The following LPCAT1 variants were observed in gnomAD, a reference collection of about 807,000 sequenced individuals.
The protein encoded by LPCAT1 is 1-acylglycerol-3-phosphate O-acyltransferase.
A neutral mutation model predicts 60.9 loss-of-function variants in LPCAT1; 23 were observed. The observed-to-expected ratio is 0.38, with a 90% CI of 0.27 to 0.53. The LOEUF (loss-of-function observed/expected upper bound fraction) is 0.53. Among genes scored for constraint, LPCAT1 ranks in the 20% least tolerant of loss-of-function variants. LPCAT1 has a pLI of 0.82. For synonymous variants in LPCAT1, 340 were observed against 301.1 expected (o/e 1.13, Z -1.34); for missense variants, 622 against 723.6 (o/e 0.86, Z 1.61).
In LPCAT1 at chr5:1,461,939, C is replaced by T. The variant is rs1430906401; in HGVS notation, c.*1712G>A. The T allele has an allele frequency of 6.6e-6, 1 of 152,574 alleles. No homozygotes were observed. Among genetic ancestry groups the T allele is most frequent in the Non-Finnish European group, 1.5e-5 (1 of 68,038 alleles). 9.5% of individuals were successfully genotyped at this position (152,574 alleles called of 1,614,324 possible). A position where few individuals can be genotyped will look rare whatever the true frequency, so the allele number is the denominator to read the frequency against. Reference sequence around the variant, plus strand: ...TGACTGTTAGCTACCAAAGGCTGCACTAGGATTTCTTCTGTGTCCAACACG... The same window carrying T: ...TGACTGTTAGCTACCAAAGGCTGCATTAGGATTTCTTCTGTGTCCAACACG... On this transcript the variant is annotated 3_prime_UTR_variant, in exon 14 of 14. Coordinates refer to ENST00000283415, the MANE Select transcript of LPCAT1 (RefSeq NM_024830.5).
At chr5:1,520,564 G>A (rs1189297891) in intron 1 of LPCAT1, among the ~76,000 whole-genome samples, 1 of 152,134 alleles carries the variant, frequency 6.6e-6, no homozygotes. Flanking sequence ...AGAGACTTTA[G>A]AAATGGGGAA....
chr5:1,506,152 T>C (rs932778773), intron 1 of LPCAT1, among the ~76,000 whole-genome samples: 12 of 152,106 alleles, frequency 7.9e-5, no homozygotes, highest in African/African-American at 2.9e-4. Context: ...CTCCAGCAGA[T>C]GGGGAGGGTG....
chr5:1,501,556 G>A lies in LPCAT1; in HGVS notation c.183C>T (p.Ala61=), dbSNP rs113281193. 34 of 1,614,030 alleles carry A rather than the reference G, an allele frequency of 2.1e-5. No homozygotes were observed. The highest frequency in any genetic ancestry group is 2.0e-4 in the African/African-American group (15 of 75,052). ...GCCAGGCCAGCAGCATCATGGCAGCGGCAACCAGGAGCCGGACCGGGAAGA... is the reference window on the plus strand; with the variant it reads ...GCCAGGCCAGCAGCATCATGGCAGCAGCAACCAGGAGCCGGACCGGGAAGA... ...LTLFPVRLLV[A]AAMMLLAWPL... The change falls in exon 2 of 14, where the codon GCC becomes GCT. Residue 61 remains alanine, a synonymous_variant. Transcript: ENST00000283415.
chr5:1,465,885 G>C (rs1290714271), intron 13 of LPCAT1, among the ~76,000 whole-genome samples: 1 of 143,480 alleles, frequency 7.0e-6, no homozygotes, highest in Non-Finnish European at 1.6e-5. Context: ...ACGCACACAG[G>C]CGCACACGCA....
At position 1,522,122 on chromosome 5, in the gene LPCAT1, G is replaced by C. The variant is rs1736695290; in HGVS notation, c.135+1588C>G. 6.6e-6 allele frequency among the ~76,000 whole-genome samples: 1 copy of C among 152,172 alleles called. No individual in the cohort carries two copies. Among genetic ancestry groups the C allele is most frequent in the African/African-American group, 2.4e-5 (1 of 41,428 alleles). ...ATAGCTGGGGCAGGAGCAGGGCTGG[G>C]GAAGCCCTGGAAACCACAGCAGGGG... On this transcript the variant is annotated intron_variant, in intron 1 of 13. Transcript: ENST00000283415. This position sits in a 1 kb window ranked among gnomAD's most constrained non-coding sequence, Gnocchi z 6.8.
chr5:1,501,422 C>CG, intron 2 of LPCAT1, 39 bp downstream of exon 2: 1 of 1,573,710 alleles, frequency 6.4e-7, no homozygotes, highest in South Asian at 1.1e-5. Flanking sequence ...GCCGCGTGAC[C>CG]CCCCCCCAGG....
chr5:1,473,927 A>G, intron 11 of LPCAT1, 30 bp downstream of exon 11: 1 of 1,594,986 alleles, frequency 6.3e-7, no homozygotes, highest in Non-Finnish European at 8.6e-7. Context: ...GGTTTTGCCG[A>G]CACCCCGCTC....
In LPCAT1 at chr5:1,498,234, C is replaced by T. The variant is rs115181435; in HGVS notation, c.278+3227G>A. Reference sequence around the variant, plus strand: ...AATCTGCTACTTCAAATTCAGTTTCCTCCTGATCCCTTACGTCCCTAACTA... The same window carrying T: ...AATCTGCTACTTCAAATTCAGTTTCTTCCTGATCCCTTACGTCCCTAACTA... On this transcript the variant is annotated intron_variant, in intron 2 of 13. Transcript: ENST00000283415. Among the ~76,000 whole-genome samples, 535 of 152,308 alleles carry T rather than the reference C, an allele frequency of 3.5e-3. 7 individuals are homozygous for T. Among genetic ancestry groups the T allele is most frequent in the African/African-American group, 0.012 (504 of 41,558 alleles).
In LPCAT1 at chr5:1,462,263, AC is replaced by A. The variant is rs1734129796; in HGVS notation, c.*1387del. The A allele has an allele frequency of 6.6e-6, 1 of 152,384 alleles. No homozygotes were observed. The highest frequency in any genetic ancestry group is 1.5e-5 in the Non-Finnish European group (1 of 68,010). The allele number at this position is 152,384 out of a possible 1,614,324, so 9.4% of individuals were successfully genotyped here. A position where few individuals can be genotyped will look rare whatever the true frequency, so the allele number is the denominator to read the frequency against. ...CCGGAGCCTTTGCTTTAGGAAGCAA[AC>A]TCAAGTCTGTGATGATTATTGTGCT... On this transcript the variant is annotated 3_prime_UTR_variant, in exon 14 of 14. Transcript: ENST00000283415.
In LPCAT1 at chr5:1,481,093, G is replaced by T; in HGVS notation, c.727-117C>A. 7.9e-7 allele frequency: 1 copy of T among 1,265,466 alleles called. No individual in the cohort carries two copies. Among genetic ancestry groups the T allele is most frequent in the Non-Finnish European group, 1.1e-6 (1 of 876,476 alleles). 78.4% of individuals were successfully genotyped at this position (1,265,466 alleles called of 1,614,324 possible). On this transcript the variant is annotated intron_variant, in intron 6 of 13. Transcript: ENST00000283415. This position sits in a 1 kb window ranked among gnomAD's most constrained non-coding sequence, Gnocchi z 7.8. The stretch of plus-strand genomic sequence containing the variant: ...CCACCCCACAGAGGCGCTGCAGCCA[G>T]GGGGAAGGGAGGAGGGTGCTAGAGC...
Position 1,523,786 on chromosome 5 carries a change from T to C in LPCAT1, c.59A>G (p.Asp20Gly). The C allele has an allele frequency of 8.8e-7, 1 of 1,131,716 alleles. No individual in the cohort carries two copies. Among genetic ancestry groups the C allele is most frequent in the Non-Finnish European group, 1.1e-6 (1 of 923,740 alleles). 70.1% of individuals were successfully genotyped at this position (1,131,716 alleles called of 1,614,324 possible). A position where few individuals can be genotyped will look rare whatever the true frequency, so the allele number is the denominator to read the frequency against. Residue 20 changes from aspartate to glycine, a missense_variant, in exon 1 of 14, where the codon GAC becomes GGC. Asp to Gly is a moderately conservative substitution (Grantham distance 94). Transcript: ENST00000283415. This position sits in a 1 kb window ranked among gnomAD's most constrained non-coding sequence, Gnocchi z 7.1. ...AAPASSAGAS[D>G]ARLLAPPGRN... The stretch of plus-strand genomic sequence containing the variant: ...CCCCGGGGGCGCCAGCAGCCGAGCG[T>C]CGCTGGCCCCTGCGCTGGAGGCAGG...
intron 9 of LPCAT1, among the ~76,000 whole-genome samples, chr5:1,475,965 G>C (rs1734898296): frequency 6.6e-6 from 1 of 152,224 alleles, no homozygotes. Flanking sequence ...GACGGTGGCA[G>C]ACCCTCCAAC....
At position 1,487,612 on chromosome 5, in the gene LPCAT1, C is replaced by T. The variant is rs1354423408; in HGVS notation, c.667+779G>A. 1.3e-5 allele frequency among the ~76,000 whole-genome samples: 2 copies of T among 152,144 alleles called. No homozygotes were observed. The highest frequency in any genetic ancestry group is 2.9e-5 in the Non-Finnish European group (2 of 68,026). ...CTCAGGTTGTGCGGCCCCAGAGGCA[C>T]GGCAGCCGGTGCCAGTGTGAGCGAG... On this transcript the variant is annotated intron_variant, in intron 5 of 13. Coordinates refer to ENST00000283415, the MANE Select transcript of LPCAT1 (RefSeq NM_024830.5). This position sits in a 1 kb window ranked among gnomAD's most constrained non-coding sequence, Gnocchi z 6.1.
chr5:1,482,869 G>A (rs1232381605), intron 6 of LPCAT1, among the ~76,000 whole-genome samples: 1 of 152,156 alleles, frequency 6.6e-6, no homozygotes, highest in Non-Finnish European at 1.5e-5. Flanking sequence ...CTTCGCCCCA[G>A]GAGCTCTGGA....
chr5:1,513,818 C>T (rs1371909950), intron 1 of LPCAT1, among the ~76,000 whole-genome samples: 3 of 146,118 alleles, frequency 2.1e-5, no homozygotes, highest in South Asian at 2.2e-4. Context: ...AGGCTCTCAC[C>T]GGTGAGGCGG....
At chr5:1,505,851 T>C (rs1736170624) in intron 1 of LPCAT1, among the ~76,000 whole-genome samples, 2 of 152,242 alleles carry the variant, frequency 1.3e-5, no homozygotes, top group South Asian at 4.1e-4. Context: ...AGCGACCCTC[T>C]GCACCAGCTC....
intron 1 of LPCAT1, among the ~76,000 whole-genome samples, chr5:1,505,453 A>G (rs1042188298): frequency 4.6e-5 from 7 of 152,288 alleles, no homozygotes; most frequent in African/African-American, 7.2e-5. Flanking sequence ...GCCATTCCAT[A>G]TGGGACCACC....
chr5:1,465,280 ACACG>A (rs915803464), intron 13 of LPCAT1, among the ~76,000 whole-genome samples: 13 of 142,266 alleles, frequency 9.1e-5, no homozygotes, highest in African/African-American at 3.0e-4. Flanking sequence ...GCACACACAC[ACACG>A]CACGGTACTA....
intron 2 of LPCAT1, 150 bp downstream of exon 2, chr5:1,501,311 G>C: frequency 1.8e-6 from 2 of 1,089,896 alleles, no homozygotes; most frequent in South Asian, 3.1e-5. Flanking sequence ...GTCCCCACTG[G>C]CAGGGGGCAG....
Sources: gnomAD v4.1 joint callset for allele counts (sites outside exome capture counted in the v4.1 genomes callset) on GRCh38, gnomAD v4.1.1 for gene constraint, Gnocchi (gnomAD v3.1) non-coding constraint, MANE v1.5 for transcripts, NCBI Gene and HGNC (gene_info 2026-07-23, HGNC 2026-07-21) for gene names.